CPAP: variants seen among roughly 807,000 people sequenced by gnomAD.
CPAP encodes centrosomal P4.1-associated protein.
At chr13:24,911,839 A>T in the CPAP span, 1 of 1,364,090 alleles carries the variant, frequency 7.3e-7, no homozygotes, top group Non-Finnish European at 1.0e-6. Context: ...GCCTTTAAAG[A>T]AACTGGAGTT....
chr13:24,905,644 A>G, the CPAP span: 3 of 1,614,216 alleles, frequency 1.9e-6, no homozygotes, highest in East Asian at 2.2e-5. Context: ...GGTCAGTCCA[A>G]GTTCTTTCAT....
At chr13:24,906,096 C>T in the CPAP span, 2 of 1,612,768 alleles carry the variant, frequency 1.2e-6, no homozygotes, top group Non-Finnish European at 1.7e-6. Context: ...CACTCACTCT[C>T]CTTCTCACGT....
chr13:24,891,411 G>A, the CPAP span, among the ~76,000 whole-genome samples: 30 of 152,222 alleles, frequency 2.0e-4, no homozygotes, highest in Middle Eastern at 3.4e-3. Context: ...TGTGTGTCTC[G>A]TAGGCATTTC....
the CPAP span, among the ~76,000 whole-genome samples, chr13:24,905,003 T>C: frequency 6.6e-6 from 1 of 152,122 alleles, no homozygotes; most frequent in Non-Finnish European, 1.5e-5. Context: ...TATAGAAAGG[T>C]AATTATATAC....
At chr13:24,887,582 C>A in the CPAP span, among the ~76,000 whole-genome samples, 12 of 152,276 alleles carry the variant, frequency 7.9e-5, no homozygotes, top group African/African-American at 2.9e-4. Context: ...CCAGATGGGA[C>A]CATCTAATTG....
At chr13:24,904,299 AACATGAT>A in the CPAP span, among the ~76,000 whole-genome samples, 1 of 152,238 alleles carries the variant, frequency 6.6e-6, no homozygotes, top group Non-Finnish European at 1.5e-5. Flanking sequence ...ACAAGGAATC[AACATGAT>A]ACATAAAAAG....
chr13:24,905,365 T>A, the CPAP span: 1 of 1,614,118 alleles, frequency 6.2e-7, no homozygotes, highest in African/African-American at 1.3e-5. Context: ...GGTCTTGACT[T>A]ATGTTTAACT....
chr13:24,915,181 C>T, the CPAP span, among the ~76,000 whole-genome samples: 1 of 152,258 alleles, frequency 6.6e-6, no homozygotes, highest in African/African-American at 2.4e-5. Flanking sequence ...GTCTACCAAC[C>T]TCCAGAGATC....
the CPAP span, among the ~76,000 whole-genome samples, chr13:24,913,476 C>T: frequency 1.3e-5 from 2 of 152,086 alleles, no homozygotes; most frequent in Admixed American, 6.6e-5. Flanking sequence ...GCTTCTTTGC[C>T]CAGTTGGTGA....
chr13:24,933,871 C>A, the CPAP span, among the ~76,000 whole-genome samples: 5 of 152,074 alleles, frequency 3.3e-5, no homozygotes, highest in African/African-American at 1.2e-4. Context: ...ATTATAGGTG[C>A]CTGCCACCAC....
At chr13:24,893,969 C>G in the CPAP span, among the ~76,000 whole-genome samples, 1 of 151,600 alleles carries the variant, frequency 6.6e-6, no homozygotes, top group Non-Finnish European at 1.5e-5. Flanking sequence ...GTGGCCAGGG[C>G]AGGTAAGGTG....
the CPAP span, among the ~76,000 whole-genome samples, chr13:24,914,070 T>A: frequency 3.9e-5 from 6 of 152,244 alleles, no homozygotes; most frequent in South Asian, 2.1e-4. Context: ...ACACACATTA[T>A]ACAGTATGTT....
the CPAP span, chr13:24,903,778 T>TA: frequency 1.8e-4 from 157 of 896,586 alleles, no homozygotes; most frequent in Non-Finnish European, 2.2e-4. Flanking sequence ...TTTTATTCAG[T>TA]AAAAAAAACT....
the CPAP span, among the ~76,000 whole-genome samples, chr13:24,904,866 T>C: frequency 1.3e-5 from 2 of 152,232 alleles, no homozygotes; most frequent in Non-Finnish European, 2.9e-5. Flanking sequence ...AAAAGTCCGT[T>C]ACATCAACAG....
At chr13:24,909,758 A>G in the CPAP span, 4 of 1,583,948 alleles carry the variant, frequency 2.5e-6, no homozygotes, top group Non-Finnish European at 3.5e-6. Context: ...GTAACACTAT[A>G]AGCACAGAAG....
At chr13:24,907,457 C>T in the CPAP span, among the ~76,000 whole-genome samples, 2 of 152,168 alleles carry the variant, frequency 1.3e-5, no homozygotes, top group African/African-American at 4.8e-5. Context: ...CATGGAGTAA[C>T]ATATTCATCA....
the CPAP span, chr13:24,905,352 G>T: frequency 1.9e-6 from 3 of 1,613,896 alleles, no homozygotes; most frequent in South Asian, 3.3e-5. Context: ...TCACCAGGTG[G>T]TTGGTCTTGA....
the CPAP span, among the ~76,000 whole-genome samples, chr13:24,899,086 A>G: frequency 6.6e-6 from 1 of 152,334 alleles, no homozygotes; most frequent in Non-Finnish European, 1.5e-5. Flanking sequence ...AATGAACAGA[A>G]CTAACAATAT....
At chr13:24,883,179 A>G in the CPAP span, 1 of 1,613,770 alleles carries the variant, frequency 6.2e-7, no homozygotes. Flanking sequence ...GAGGATCGTC[A>G]CAGCTCCGTG....
Sources: allele counts gnomAD v4.1 joint callset (sites outside exome capture counted in the v4.1 genomes callset), GRCh38; gene constraint gnomAD v4.1.1; transcripts MANE v1.5; gene names NCBI Gene and HGNC (gene_info 2026-07-23, HGNC 2026-07-21).